SAMD4A: variants seen among roughly 807,000 people sequenced by gnomAD.
The protein encoded by SAMD4A is protein Smaug homolog 1.
In SAMD4A, 33 loss-of-function variants were observed where a neutral mutation model predicts 81.3. The ratio of observed to expected loss-of-function variants is 0.41; its 90% CI spans 0.31 to 0.54. SAMD4A has a LOEUF of 0.54. Ranked by LOEUF, SAMD4A falls within the 20% of genes least tolerant of loss-of-function variation. SAMD4A has a pLI of 0.37. For synonymous variants in SAMD4A, 389 were observed against 382.1 expected, an observed-to-expected ratio of 1.02 and a Z score of -0.21; for missense variants, 854 against 951.1, an observed-to-expected ratio of 0.90 and a Z score of 1.34.
chr14:54,611,194 ATTAATG>A (rs2034344642), intron 2 of SAMD4A, among the ~76,000 whole-genome samples: 1 of 152,254 alleles, frequency 6.6e-6, no homozygotes, highest in African/African-American at 2.4e-5. Context: ...ATGAAGAAGA[ATTAATG>A]TTAATAATGT....
At chr14:54,658,259 C>T (rs1024603406) in intron 2 of SAMD4A, among the ~76,000 whole-genome samples, 4 of 152,150 alleles carry the variant, frequency 2.6e-5, no homozygotes, top group Non-Finnish European at 5.9e-5. Context: ...TGCATTGAGC[C>T]AAGATCGTGC....
chr14:54,626,059 T>TGTGTGTGC lies in SAMD4A; in HGVS notation c.196+57948_196+57949insTGTGTGCG, dbSNP rs368142521. Among the ~76,000 whole-genome samples, 9 of 102,126 alleles carry TGTGTGTGC rather than the reference T, an allele frequency of 8.8e-5. No individual in the cohort carries two copies. In the East Asian group the frequency reaches 1.1e-3, roughly 12 times the overall value. 67.0% of individuals were successfully genotyped at this position (102,126 alleles called of 152,430 possible). On this transcript the variant is annotated intron_variant, in intron 2 of 12. Coordinates refer to ENST00000554335, the MANE Select transcript of SAMD4A (RefSeq NM_015589.6). ...GTGTGTGTGTGTGTGTGTGTGTGTG[T>TGTGTGTGC]GCGCGCGCGCGCGCGCGAGTGCGCA...
At chr14:54,573,374 C>A (rs754172933) in intron 2 of SAMD4A, among the ~76,000 whole-genome samples, 1 of 152,092 alleles carries the variant, frequency 6.6e-6, no homozygotes, top group African/African-American at 2.4e-5. Flanking sequence ...CAAACGAGGA[C>A]ACAAGATGAG....
intron 6 of SAMD4A, among the ~76,000 whole-genome samples, chr14:54,752,647 T>C (rs2038136544): frequency 6.6e-6 from 1 of 152,078 alleles, no homozygotes; most frequent in South Asian, 2.1e-4. Context: ...GTATTTCTAA[T>C]CGGGCAGGAC....
chr14:54,566,485 G>T (rs900206087), upstream of SAMD4A, among the ~76,000 whole-genome samples: 2 of 151,754 alleles, frequency 1.3e-5, no homozygotes, highest in African/African-American at 4.8e-5. Context: ...GCCGGCGGCG[G>T]CCACGAGAAC....
At chr14:54,784,212 A>C (rs2039075534) in intron 11 of SAMD4A, 7 of 698,900 alleles carry the variant, frequency 1.0e-5, no homozygotes, top group Non-Finnish European at 1.5e-5. Flanking sequence ...GGCCTGGATC[A>C]TGCGGGGCCT....
chr14:54,593,185 T>G (rs2033825086), intron 2 of SAMD4A, among the ~76,000 whole-genome samples: 1 of 152,212 alleles, frequency 6.6e-6, no homozygotes, highest in Admixed American at 6.5e-5. Flanking sequence ...CATTTCTCTG[T>G]TACTGAAAAT....
chr14:54,591,157 G>A (rs1594703225), intron 2 of SAMD4A, among the ~76,000 whole-genome samples: 1 of 152,288 alleles, frequency 6.6e-6, no homozygotes, highest in East Asian at 1.9e-4. Flanking sequence ...TGAGATAGTT[G>A]TCCACAAGAG....
rs187393104 is a variant in SAMD4A, at chr14:54,636,896, C to T, written c.197-65166C>T. On this transcript the variant is annotated intron_variant, in intron 2 of 12. Coordinates refer to ENST00000554335, the MANE Select transcript of SAMD4A (RefSeq NM_015589.6). The stretch of plus-strand genomic sequence containing the variant: ...CCTCCAAGTCCCATTGTTGAATAGG[C>T]GGTTGGATATATAAGTCTGGAATTT... Among the ~76,000 whole-genome samples the T allele has an allele frequency of 2.4e-3, 370 of 152,086 alleles. 1 individual carries two copies. Among genetic ancestry groups the T allele is most frequent in the Non-Finnish European group, 4.5e-3 (307 of 68,006 alleles).
rs552279507 is a variant in SAMD4A at position 54,751,418 on chromosome 14, T to C, written c.1090-33T>C. ...ATTCTTAAAAATATGTTTTTAAATATACATTTAAATGTAACTTGTTATTTA... is the reference window on the plus strand; with the variant it reads ...ATTCTTAAAAATATGTTTTTAAATACACATTTAAATGTAACTTGTTATTTA... On this transcript the variant is annotated intron_variant, in intron 5 of 12. Transcript: ENST00000554335. 3.8e-6 allele frequency: 5 copies of C among 1,308,638 alleles called. No homozygotes were observed. In the South Asian group the frequency reaches 5.0e-5, roughly 13 times the overall value. The allele number at this position is 1,308,638 out of a possible 1,614,324, so 81.1% of individuals were successfully genotyped here.
chr14:54,681,701 G>C, intron 2 of SAMD4A: 1 of 719,690 alleles, frequency 1.4e-6, no homozygotes, highest in Non-Finnish European at 1.7e-6. Flanking sequence ...TAAAGTACTG[G>C]GATTACAGGT....
At chr14:54,739,300 G>A (rs2037788105) in intron 4 of SAMD4A, among the ~76,000 whole-genome samples, 1 of 151,910 alleles carries the variant, frequency 6.6e-6, no homozygotes, top group South Asian at 2.1e-4. Flanking sequence ...TAGAATTGGT[G>A]AGAACTGTCT....
intron 2 of SAMD4A, among the ~76,000 whole-genome samples, chr14:54,687,047 C>A (rs1403487052): frequency 3.3e-5 from 5 of 152,138 alleles, no homozygotes; most frequent in Non-Finnish European, 5.9e-5. Context: ...AGGGGTTATA[C>A]ATCTGCCCTT....
chr14:54,746,397 G>A (rs2037968509), intron 4 of SAMD4A, among the ~76,000 whole-genome samples: 2 of 152,194 alleles, frequency 1.3e-5, no homozygotes, highest in Admixed American at 6.5e-5. Flanking sequence ...TAACTCTTCA[G>A]GAAGGCCTAA....
At chr14:54,568,740 T>A (rs1291635131) in intron 2 of SAMD4A, among the ~76,000 whole-genome samples, 32 of 108,870 alleles carry the variant, frequency 2.9e-4, no homozygotes, top group Non-Finnish European at 4.0e-4. Context: ...TATATATATA[T>A]AATGCGGTTA....
rs115714903 is a variant in SAMD4A at position 54,666,549 on chromosome 14, G to A, written c.197-35513G>A. On this transcript the variant is annotated intron_variant, in intron 2 of 12. Coordinates refer to ENST00000554335, the MANE Select transcript of SAMD4A (RefSeq NM_015589.6). ...TAAATCCGAGTATAAGTGGCCCTGC[G>A]CATTTCAAACCCTTGTTCAAGAGTC... 9.7e-3 allele frequency among the ~76,000 whole-genome samples: 1,474 copies of A among 152,234 alleles called. 20 individuals are homozygous for A. Among genetic ancestry groups the A allele is most frequent in the African/African-American group, 0.034 (1,395 of 41,532 alleles).
intron 9 of SAMD4A, among the ~76,000 whole-genome samples, chr14:54,770,502 A>G (rs2038673367): frequency 6.6e-6 from 1 of 152,270 alleles, no homozygotes; most frequent in Non-Finnish European, 1.5e-5. Flanking sequence ...GAGAGTGGGT[A>G]TGATTTAACA....
chr14:54,763,195 C>G (rs962149078), intron 7 of SAMD4A, among the ~76,000 whole-genome samples: 1 of 140,874 alleles, frequency 7.1e-6, no homozygotes, highest in African/African-American at 2.9e-5. Context: ...TATTTACATT[C>G]TTTTCTACAG....
chr14:54,675,160 G>A (rs2035963456), intron 2 of SAMD4A, among the ~76,000 whole-genome samples: 2 of 152,092 alleles, frequency 1.3e-5, no homozygotes, highest in Admixed American at 1.3e-4. Flanking sequence ...GAGGTCAGGA[G>A]TTCGAGACCA....
Sources: gnomAD v4.1 joint callset for allele counts (sites outside exome capture counted in the v4.1 genomes callset) on GRCh38, gnomAD v4.1.1 for gene constraint, MANE v1.5 for transcripts, NCBI Gene and HGNC (gene_info 2026-07-23, HGNC 2026-07-21) for gene names.